AKAP6: variants seen among roughly 807,000 people sequenced by gnomAD.
The protein encoded by AKAP6 is A-kinase anchor protein 6.
In AKAP6, 58 loss-of-function variants were observed where a neutral mutation model predicts 188.5. The observed-to-expected ratio is 0.31, with a 90% CI of 0.25 to 0.38. AKAP6 has a LOEUF of 0.38. Ranked by LOEUF, AKAP6 falls within the 10% of genes least tolerant of loss-of-function variation. AKAP6 has a pLI of 1.00. For synonymous variants in AKAP6, 989 were observed against 998.6 expected, an observed-to-expected ratio of 0.99 and a Z score of 0.18; for missense variants, 2,710 against 2,740.0, an observed-to-expected ratio of 0.99 and a Z score of 0.24.
At chr14:32,759,742 A>T (rs544541028) in intron 11 of AKAP6, among the ~76,000 whole-genome samples, 3 of 152,234 alleles carry the variant, frequency 2.0e-5, no homozygotes, top group East Asian at 1.9e-4. Context: ...AGCAAGGGGG[A>T]TGGGGAGGTG....
intron 7 of AKAP6, among the ~76,000 whole-genome samples, chr14:32,624,744 T>C (rs1886947154): frequency 2.0e-5 from 3 of 152,152 alleles, no homozygotes; most frequent in African/African-American, 7.2e-5. Context: ...GTTATTTTTA[T>C]TCTCAAAAAT....
chr14:32,654,659 A>G (rs1305520773), intron 7 of AKAP6, among the ~76,000 whole-genome samples: 1 of 151,034 alleles, frequency 6.6e-6, no homozygotes, highest in East Asian at 2.0e-4. Flanking sequence ...CAGCCTGGCA[A>G]CGTGGCAAGA....
chr14:32,683,650 C>T (rs1453909294), intron 8 of AKAP6, among the ~76,000 whole-genome samples: 1 of 152,120 alleles, frequency 6.6e-6, no homozygotes, highest in Non-Finnish European at 1.5e-5. Context: ...GAAAACCTTC[C>T]AGAAGAAGTG....
In AKAP6 at chr14:32,518,538, C is replaced by T. The variant is rs527267473; in HGVS notation, c.325-17016C>T. On this transcript the variant is annotated intron_variant, in intron 2 of 13. Coordinates refer to ENST00000280979, the MANE Select transcript of AKAP6 (RefSeq NM_004274.5). ...GCTGAAAACCATGGCACGAGAACTA[C>T]GTGACACATGCACAAGCTTCAGTAG... 3.3e-5 allele frequency among the ~76,000 whole-genome samples: 5 copies of T among 152,170 alleles called. No homozygotes were observed. In the South Asian group the frequency reaches 6.2e-4, roughly 19 times the overall value.
At chr14:32,723,078 C>A (rs1443102929) in intron 9 of AKAP6, among the ~76,000 whole-genome samples, 2 of 152,194 alleles carry the variant, frequency 1.3e-5, no homozygotes, top group East Asian at 1.9e-4. Context: ...CCTGCGGGCT[C>A]CCCCTCCTGC....
At chr14:32,718,243 T>G (rs1279955165) in intron 9 of AKAP6, 2 of 973,268 alleles carry the variant, frequency 2.1e-6, no homozygotes, top group Non-Finnish European at 2.4e-6. Flanking sequence ...CCCATGGGCT[T>G]GCCATAGGAG....
chr14:32,761,840 T>C (rs1264416331), intron 11 of AKAP6, among the ~76,000 whole-genome samples: 2 of 152,098 alleles, frequency 1.3e-5, no homozygotes, highest in East Asian at 1.9e-4. Context: ...GACCAGTGAA[T>C]ACCCAAGATC....
At chr14:32,360,912 T>C (rs887897456) in intron 1 of AKAP6, among the ~76,000 whole-genome samples, 1 of 151,536 alleles carries the variant, frequency 6.6e-6, no homozygotes. Context: ...CCCAGCTAAT[T>C]AAAAAAAATT....
intron 5 of AKAP6, among the ~76,000 whole-genome samples, chr14:32,590,908 G>A (rs906608627): frequency 6.6e-5 from 10 of 152,122 alleles, no homozygotes; most frequent in Admixed American, 5.9e-4. Flanking sequence ...TTTTTAAAGT[G>A]GTTTGGTTCC....
chr14:32,424,277 T>C (rs964526722), intron 1 of AKAP6, among the ~76,000 whole-genome samples: 1 of 152,122 alleles, frequency 6.6e-6, no homozygotes, highest in Non-Finnish European at 1.5e-5. Flanking sequence ...TCATCCCTCT[T>C]ATAATATGGC....
rs767662844 is a variant in AKAP6 at position 32,355,478 on chromosome 14, C to G, written c.-35+26070C>G. ...CAGACCGTCTGGCAGGACGGGGAGG[C>G]CTCTAAATCCCTCCAGTGTTTCTAA... On this transcript the variant is annotated intron_variant, in intron 1 of 13. Transcript: ENST00000280979. 7.9e-5 allele frequency among the ~76,000 whole-genome samples: 12 copies of G among 152,280 alleles called. No individual in the cohort carries two copies. In the Middle Eastern group the frequency reaches 0.01, roughly 129 times the overall value.
At chr14:32,577,847 A>G (rs1392060653) in intron 5 of AKAP6, among the ~76,000 whole-genome samples, 1 of 152,144 alleles carries the variant, frequency 6.6e-6, no homozygotes, top group African/African-American at 2.4e-5. Flanking sequence ...CAAGAATTAT[A>G]GACTGGGGGA....
chr14:32,415,665 A>G (rs1889633896), intron 1 of AKAP6, among the ~76,000 whole-genome samples: 1 of 152,092 alleles, frequency 6.6e-6, no homozygotes, highest in African/African-American at 2.4e-5. Context: ...CTGAAAGTCT[A>G]TACCATTAAA....
chr14:32,531,024 G>A (rs903528359), intron 2 of AKAP6, among the ~76,000 whole-genome samples: 1 of 152,190 alleles, frequency 6.6e-6, no homozygotes, highest in Non-Finnish European at 1.5e-5. Context: ...ATTGACTGGA[G>A]ACAGCAGCTT....
At chr14:32,334,839 T>G (rs1015607875) in intron 1 of AKAP6, among the ~76,000 whole-genome samples, 1 of 152,216 alleles carries the variant, frequency 6.6e-6, no homozygotes, top group Non-Finnish European at 1.5e-5. Flanking sequence ...CCAGCCATAT[T>G]TTTCTCTGTT....
At chr14:32,468,270 T>C (rs1878573699) in intron 2 of AKAP6, among the ~76,000 whole-genome samples, 1 of 152,208 alleles carries the variant, frequency 6.6e-6, no homozygotes, top group Non-Finnish European at 1.5e-5. Context: ...TTAAATGACA[T>C]ATTCAGAAGA....
intron 1 of AKAP6, among the ~76,000 whole-genome samples, chr14:32,410,804 G>T (rs781377362): frequency 2.0e-5 from 3 of 151,904 alleles, no homozygotes; most frequent in Non-Finnish European, 4.4e-5. Context: ...ATTATTTTGG[G>T]ATACTCTTAA....
intron 7 of AKAP6, among the ~76,000 whole-genome samples, chr14:32,658,935 T>C (rs867915012): frequency 2.6e-5 from 4 of 152,070 alleles, no homozygotes; most frequent in Non-Finnish European, 5.9e-5. Flanking sequence ...TCTTATTTAT[T>C]TTATATTATT....
At chr14:32,744,322 T>G (rs2031800807) in intron 11 of AKAP6, among the ~76,000 whole-genome samples, 2 of 151,998 alleles carry the variant, frequency 1.3e-5, no homozygotes, top group Non-Finnish European at 2.9e-5. Context: ...TTATTTTATT[T>G]TATTTTATTT....
Sources: allele counts gnomAD v4.1 joint callset (sites outside exome capture counted in the v4.1 genomes callset), GRCh38; gene constraint gnomAD v4.1.1; transcripts MANE v1.5; gene names NCBI Gene and HGNC (gene_info 2026-07-23, HGNC 2026-07-21).